The following SESN3 variants were observed in gnomAD, a reference collection of about 807,000 sequenced individuals.
The protein encoded by SESN3 is sestrin 3.
A neutral mutation model predicts 55.3 loss-of-function variants in SESN3; 21 were observed. The ratio of observed to expected loss-of-function variants is 0.38; its 90% CI spans 0.27 to 0.55. The LOEUF is 0.55. SESN3 is among the 20% of genes least tolerant of loss of function. The probability of loss-of-function intolerance (pLI) is 0.76; values close to 1 mark genes in which losing one functional copy is unlikely to be tolerated. For missense variants in SESN3, 408 were observed against 604.3 expected (o/e 0.68, Z 3.41); for synonymous variants, 181 against 203.1 (o/e 0.89, Z 0.93).
At chr11:95,231,403 A>C, upstream of SESN3, 1 of 354,932 alleles carries the variant, frequency 2.8e-6, no homozygotes, top group Non-Finnish European at 5.0e-6. Context: ...TTTATCTCCG[A>C]GGCTCGGAAC....
intron 1 of SESN3, among the ~76,000 whole-genome samples, chr11:95,224,077 C>G (rs1428111414): frequency 6.6e-6 from 1 of 152,150 alleles, no homozygotes; most frequent in Non-Finnish European, 1.5e-5. Flanking sequence ...CTATTTAATA[C>G]AAGACAGCTG....
intron 1 of SESN3, among the ~76,000 whole-genome samples, chr11:95,199,947 C>T (rs937888005): frequency 4.0e-5 from 6 of 151,506 alleles, no homozygotes; most frequent in Non-Finnish European, 8.9e-5. Flanking sequence ...TTAAAGATAT[C>T]CTTAGAAGAT....
chr11:95,187,195 T>C (rs556757566), intron 4 of SESN3, among the ~76,000 whole-genome samples: 8 of 152,110 alleles, frequency 5.3e-5, no homozygotes, highest in South Asian at 2.1e-4. Flanking sequence ...ATCTTCATAC[T>C]ATAGTTTTAT....
At chr11:95,215,821 G>A (rs1349863616) in intron 1 of SESN3, among the ~76,000 whole-genome samples, 5 of 152,086 alleles carry the variant, frequency 3.3e-5, no homozygotes, top group African/African-American at 4.8e-5. Context: ...ATCCTTGGCC[G>A]GGCGCGGTGG....
Position 95,230,723 on chromosome 11 carries a change from C to T in SESN3, c.78+60G>A. On this transcript the variant is annotated intron_variant, in intron 1 of 9. Coordinates refer to ENST00000536441, the MANE Select transcript of SESN3 (RefSeq NM_144665.4). This position sits in a 1 kb window ranked among gnomAD's most constrained non-coding sequence, Gnocchi z 4.6. Reference sequence around the variant, plus strand: ...CCAGTGCGCGCCCGGGGACGAGCCGCCCGAGCCCCGGCCGGCAGGAAGCGA... The same window carrying T: ...CCAGTGCGCGCCCGGGGACGAGCCGTCCGAGCCCCGGCCGGCAGGAAGCGA... 1 of 1,355,984 alleles carries T rather than the reference C, an allele frequency of 7.4e-7. No individual in the cohort carries two copies. Among genetic ancestry groups the T allele is most frequent in the Non-Finnish European group, 1.0e-6 (1 of 966,110 alleles). The allele number at this position is 1,355,984 out of a possible 1,614,324, so 84.0% of individuals were successfully genotyped here.
chr11:95,182,196 TA>T (rs1344176910), intron 6 of SESN3: 1 of 320,754 alleles, frequency 3.1e-6, no homozygotes, highest in Non-Finnish European at 6.1e-6. Context: ...AAAACATTGA[TA>T]TTTTTCAAGC....
chr11:95,194,978 T>C (rs1478485980), intron 1 of SESN3, among the ~76,000 whole-genome samples: 1 of 152,112 alleles, frequency 6.6e-6, no homozygotes, highest in Non-Finnish European at 1.5e-5. Context: ...AGCAATTTTC[T>C]GGACAACTAT....
Position 95,185,430 on chromosome 11 carries a change from G to A in SESN3, c.588C>T (p.Leu196=). 1 of 1,613,214 alleles carries A rather than the reference G, an allele frequency of 6.2e-7. No homozygotes were observed. ...SLPELVHAVV[L]LAHYHALASF... The stretch of plus-strand genomic sequence containing the variant: ...TTGCCAAAGCATGATAATGTGCCAG[G>A]AGGACCACAGCATGTACCAGTTCAG... The change falls in exon 5 of 10, where the codon CTC becomes CTT. Residue 196 remains leucine, a synonymous_variant. Coordinates refer to ENST00000536441, the MANE Select transcript of SESN3 (RefSeq NM_144665.4).
At chr11:95,219,223 TA>T (rs1290584674) in intron 1 of SESN3, among the ~76,000 whole-genome samples, 1 of 152,232 alleles carries the variant, frequency 6.6e-6, no homozygotes, top group Non-Finnish European at 1.5e-5. Context: ...TAATTTCAAG[TA>T]ACGTACAAAA....
rs1859865119 is a variant in SESN3, at chr11:95,172,242, A to G, written c.*1013T>C. The stretch of plus-strand genomic sequence containing the variant: ...AAAATAAACTGTCTAACCTATTATA[A>G]GAACAAAAGTCATGGAAAATAATTT... On this transcript the variant is annotated 3_prime_UTR_variant, in exon 10 of 10. Transcript: ENST00000536441. 6.6e-6 allele frequency: 1 copy of G among 152,186 alleles called. No homozygotes were observed. Among genetic ancestry groups the G allele is most frequent in the African/African-American group, 2.4e-5 (1 of 41,452 alleles). The allele number at this position is 152,186 out of a possible 1,614,324, so 9.4% of individuals were successfully genotyped here. A position where few individuals can be genotyped will look rare whatever the true frequency, so the allele number is the denominator to read the frequency against.
In SESN3 at chr11:95,225,181, A is replaced by G. The variant is rs148669671; in HGVS notation, c.78+5602T>C. On this transcript the variant is annotated intron_variant, in intron 1 of 9. Coordinates refer to ENST00000536441, the MANE Select transcript of SESN3 (RefSeq NM_144665.4). ...AATACTAAGGGGCTAGCATAGTTTT[A>G]CCCCCACTGCTTTTGCTCTCAGTGA... 2.9e-3 allele frequency among the ~76,000 whole-genome samples: 441 copies of G among 152,228 alleles called. 4 individuals are homozygous for G. The highest frequency in any genetic ancestry group is 9.8e-3 in the African/African-American group (407 of 41,530).
At chr11:95,208,310 C>A (rs1052713755) in intron 1 of SESN3, among the ~76,000 whole-genome samples, 1 of 151,260 alleles carries the variant, frequency 6.6e-6, no homozygotes, top group Non-Finnish European at 1.5e-5. Context: ...TATTACTGGT[C>A]CTGTATATAT....
rs922192566 is a variant in SESN3, at chr11:95,218,645, CTCT to C, written c.78+12135_78+12137del. ...CCATCTACCTAAACATAGATTTACC[CTCT>C]TTTTTTTTTTTTTTTTTTTTGAGAC... On this transcript the variant is annotated intron_variant, in intron 1 of 9. Coordinates refer to ENST00000536441, the MANE Select transcript of SESN3 (RefSeq NM_144665.4). Among the ~76,000 whole-genome samples, 4 of 146,538 alleles carry C rather than the reference CTCT, an allele frequency of 2.7e-5. No homozygotes were observed. The South Asian group carries it at 6.5e-4, about 24-fold the overall frequency.
intron 1 of SESN3, among the ~76,000 whole-genome samples, chr11:95,211,722 A>T (rs1860659425): frequency 6.6e-6 from 1 of 152,182 alleles, no homozygotes; most frequent in South Asian, 2.1e-4. Context: ...GTGAGTCGAG[A>T]TCACACCACT....
At chr11:95,182,146 C>T (rs1324702912) in intron 6 of SESN3, 2 of 319,834 alleles carry the variant, frequency 6.3e-6, no homozygotes, top group South Asian at 5.2e-5. Flanking sequence ...GACTGAAATC[C>T]AAAGTATATT....
intron 1 of SESN3, among the ~76,000 whole-genome samples, chr11:95,208,478 A>G (rs1488630127): frequency 1.3e-5 from 2 of 151,566 alleles, no homozygotes; most frequent in South Asian, 2.1e-4. Context: ...AAATGTGTTT[A>G]TAACTATCAG....
At position 95,172,918 on chromosome 11, in the gene SESN3, A is replaced by AG. The variant is rs1206123921; in HGVS notation, c.*336dup. ...AAAAAAAAAAGGGCGGGGTGGGGGG[A>AG]GAAAAAATACACATACACACAACCC... On this transcript the variant is annotated 3_prime_UTR_variant, in exon 10 of 10. Coordinates refer to ENST00000536441, the MANE Select transcript of SESN3 (RefSeq NM_144665.4). 2 of 205,498 alleles carry AG rather than the reference A, an allele frequency of 9.7e-6. No homozygotes were observed. The highest frequency in any genetic ancestry group is 2.3e-5 in the African/African-American group (1 of 43,486). The allele number at this position is 205,498 out of a possible 1,614,324, so 12.7% of individuals were successfully genotyped here.
intron 1 of SESN3, among the ~76,000 whole-genome samples, chr11:95,223,886 G>T (rs1402598599): frequency 1.3e-5 from 2 of 152,042 alleles, no homozygotes; most frequent in East Asian, 3.8e-4. Context: ...GGTTATAACT[G>T]CCCATATTTA....
At chr11:95,224,500 A>G (rs1373535336) in intron 1 of SESN3, 1 of 434,382 alleles carries the variant, frequency 2.3e-6, no homozygotes, top group East Asian at 7.2e-5. Flanking sequence ...AAGGAAAGAA[A>G]GACCCCAATT....
Sources: allele counts gnomAD v4.1 joint callset (sites outside exome capture counted in the v4.1 genomes callset), GRCh38; gene constraint gnomAD v4.1.1; non-coding constraint Gnocchi (gnomAD v3.1); transcripts MANE v1.5; gene names NCBI Gene and HGNC (gene_info 2026-07-23, HGNC 2026-07-21).